RASSF5: variants seen among roughly 807,000 people sequenced by gnomAD.
RASSF5 encodes ras association domain-containing protein 5.
A neutral mutation model predicts 40.5 loss-of-function variants in RASSF5; 25 were observed. The ratio of observed to expected loss-of-function variants is 0.62; its 90% CI spans 0.45 to 0.86. RASSF5 has a LOEUF of 0.86. RASSF5 is among the 40% of genes least tolerant of loss of function. The pLI is 0.00. For synonymous variants in RASSF5, 246 were observed against 252.4 expected (o/e 0.97, Z 0.24); for missense variants, 521 against 572.8 (o/e 0.91, Z 0.92).
At position 206,538,109 on chromosome 1, in the gene RASSF5, C is replaced by G. The variant is rs1667463744; in HGVS notation, c.458-63C>G. ...TAATGCAATCTCCAAGGTTATTTCT[C>G]TGGGTGAAAGTGGGGAGGAATCCTG... On this transcript the variant is annotated intron_variant, in intron 1 of 5. Transcript: ENST00000579436. 6 of 1,607,606 alleles carry G rather than the reference C, an allele frequency of 3.7e-6. No individual in the cohort carries two copies. The African/African-American group carries it at 8.0e-5, about 21-fold the overall frequency.
At chr1:206,546,578 A>G (rs964254428) in intron 2 of RASSF5, among the ~76,000 whole-genome samples, 1 of 152,128 alleles carries the variant, frequency 6.6e-6, no homozygotes, top group Non-Finnish European at 1.5e-5. Context: ...TTGTCTTAGC[A>G]TTTACAGTAT....
Position 206,585,267 on chromosome 1 carries a change from T to C in RASSF5, c.1076T>C (p.Leu359Pro). Reference protein sequence around the residue: ...GPDTEVLSFVLKENETGEVEW... With the variant: ...GPDTEVLSFVPKENETGEVEW... ...GACACGGAGGTCCTCAGCTTTGTGC[T>C]AAAGGAGAATGAAACTGGAGAGGTA... Residue 359 changes from leucine (L) to proline (P), a missense_variant, in exon 5 of 6, where the codon CTA becomes CCA. By Grantham distance (98) the Leu-to-Pro change is moderately conservative (BLOSUM62 -3). Transcript: ENST00000579436. The C allele has an allele frequency of 1.2e-6, 2 of 1,614,098 alleles. No individual in the cohort carries two copies. Among genetic ancestry groups the C allele is most frequent in the Non-Finnish European group, 8.5e-7 (1 of 1,179,974 alleles).
chr1:206,527,329 A>G (rs1667121422), intron 1 of RASSF5, among the ~76,000 whole-genome samples: 1 of 152,072 alleles, frequency 6.6e-6, no homozygotes, highest in Admixed American at 6.6e-5. Flanking sequence ...TTGGTGTCAT[A>G]GGGAGGGGGT....
In RASSF5 at chr1:206,561,917, C is replaced by G. The variant is rs372734079; in HGVS notation, c.580-21352C>G. On this transcript the variant is annotated intron_variant, in intron 2 of 5. Transcript: ENST00000579436. ...CTCCTGACCTCAGGTGAACCCCTAC[C>G]TCGGCCTCCCAAGGTGCTGGGATTA... Among the ~76,000 whole-genome samples the G allele has an allele frequency of 3.9e-5, 6 of 151,966 alleles. 1 individual carries two copies. The highest frequency in any genetic ancestry group is 1.4e-4 in the African/African-American group (6 of 41,458).
intron 2 of RASSF5, among the ~76,000 whole-genome samples, chr1:206,563,886 T>C (rs1256229786): frequency 1.3e-5 from 2 of 152,208 alleles, no homozygotes; most frequent in Admixed American, 1.3e-4. Flanking sequence ...TGGGTCCTGC[T>C]CAGAGCTTTC....
Position 206,507,918 on chromosome 1 carries a change from A to G in RASSF5, c.316A>G (p.Ile106Val), listed in dbSNP as rs1553394074. The G allele has an allele frequency of 1.3e-6, 2 of 1,516,210 alleles. No homozygotes were observed. Among genetic ancestry groups the G allele is most frequent in the South Asian group, 1.2e-5 (1 of 81,268 alleles). 93.9% of individuals were successfully genotyped at this position (1,516,210 alleles called of 1,614,324 possible). The change falls in exon 1 of 6, where the codon ATC (isoleucine) becomes GTC (valine). Residue 106 changes from isoleucine (I) to valine (V), a missense_variant. Around this residue, in one of 2 missense-constraint regions of RASSF5, gnomAD observed 237 missense variants for 212.0 expected, o/e 1.12. Coordinates refer to ENST00000579436, the MANE Select transcript of RASSF5 (RefSeq NM_182663.4). ...GCCCCGACCCCGCGACGTGCGGAGC[A>G]TCTTCGAGCAGCCGCAGGATCCCAG... is the stretch of plus-strand genomic sequence containing the variant. Reference protein sequence around the residue: ...GAPRPRDVRSIFEQPQDPRVP... With the variant: ...GAPRPRDVRSVFEQPQDPRVP...
intron 1 of RASSF5, among the ~76,000 whole-genome samples, chr1:206,508,753 C>T (rs1423245251): frequency 6.6e-6 from 1 of 152,026 alleles, no homozygotes; most frequent in African/African-American, 2.4e-5. Flanking sequence ...TGGGTTCCTG[C>T]CCTAGTCGTC....
intron 1 of RASSF5, chr1:206,529,654 T>A: frequency 1.3e-6 from 1 of 760,594 alleles, no homozygotes; most frequent in South Asian, 1.4e-5. Context: ...GTGGCTCACA[T>A]CGCCAAATTC....
intron 3 of RASSF5, chr1:206,583,627 T>C (rs2103570224): frequency 2.1e-6 from 1 of 476,956 alleles, no homozygotes. Flanking sequence ...TAACTCCTCC[T>C]CTGAGCTTCA....
At chr1:206,517,633 T>C (rs1666785018) in intron 1 of RASSF5, among the ~76,000 whole-genome samples, 1 of 152,154 alleles carries the variant, frequency 6.6e-6, no homozygotes, top group South Asian at 2.1e-4. Flanking sequence ...CAGTCTTCTG[T>C]CTTGGACTGG....
rs975611805 is a variant in RASSF5, at chr1:206,560,510, C to G, written c.579+22217C>G. Among the ~76,000 whole-genome samples the G allele has an allele frequency of 6.6e-6, 1 of 152,226 alleles. No homozygotes were observed. The highest frequency in any genetic ancestry group is 1.5e-5 in the Non-Finnish European group (1 of 68,040). On this transcript the variant is annotated intron_variant, in intron 2 of 5. Transcript: ENST00000579436. This position sits in a 1 kb window ranked among gnomAD's most constrained non-coding sequence, Gnocchi z 5.1. Reference sequence around the variant, plus strand: ...ATGGCAGTTTCCTGGGGCCACGTGCCTCCTTTGAGAGGGGCCGGGGACTTG... The same window carrying G: ...ATGGCAGTTTCCTGGGGCCACGTGCGTCCTTTGAGAGGGGCCGGGGACTTG...
At chr1:206,564,332 C>A (rs1191870352) in intron 2 of RASSF5, among the ~76,000 whole-genome samples, 4 of 152,016 alleles carry the variant, frequency 2.6e-5, no homozygotes, top group African/African-American at 9.7e-5. Context: ...TAGTCCAGGC[C>A]ATCCCTCACT....
rs1358207781 is a variant in RASSF5, at chr1:206,587,767, T to A, written c.*789T>A. On this transcript the variant is annotated 3_prime_UTR_variant, in exon 6 of 6. Transcript: ENST00000579436. ...TTAATGTTGTCATCATCGTCATGTG[T>A]TTCCCCAAAGGGAAGCCAGTCATTG... is the stretch of plus-strand genomic sequence containing the variant. The A allele has an allele frequency of 6.6e-6, 1 of 152,440 alleles. No individual in the cohort carries two copies. Among genetic ancestry groups the A allele is most frequent in the Non-Finnish European group, 1.5e-5 (1 of 68,072 alleles). 9.4% of individuals were successfully genotyped at this position (152,440 alleles called of 1,614,324 possible).
rs571759703 is a variant in RASSF5, at chr1:206,562,516, C to T, written c.580-20753C>T. The stretch of plus-strand genomic sequence containing the variant: ...GATAGCCTCATTTAGAGATGCCGTC[C>T]GAACTCCACACTCGTGGGATTCACT... On this transcript the variant is annotated intron_variant, in intron 2 of 5. Transcript: ENST00000579436. Among the ~76,000 whole-genome samples the T allele has an allele frequency of 3.3e-5, 5 of 152,288 alleles. No homozygotes were observed. In the South Asian group the frequency reaches 6.2e-4, roughly 19 times the overall value.
intron 2 of RASSF5, among the ~76,000 whole-genome samples, chr1:206,553,245 G>A (rs376490255): frequency 5.2e-4 from 79 of 152,214 alleles, no homozygotes; most frequent in African/African-American, 1.9e-3. Context: ...TATTTGCTAA[G>A]TGAAAGAAAG....
rs782644849 is a variant in RASSF5 at position 206,507,608 on chromosome 1, C to A, written c.6C>A (p.Ala2=). 3.4e-5 allele frequency: 52 copies of A among 1,514,054 alleles called. No homozygotes were observed. The highest frequency in any genetic ancestry group is 4.5e-5 in the Non-Finnish European group (51 of 1,137,542). The allele number at this position is 1,514,054 out of a possible 1,614,324, so 93.8% of individuals were successfully genotyped here. A position where few individuals can be genotyped will look rare whatever the true frequency, so the allele number is the denominator to read the frequency against. ...GCTGCCGCCACTAGCCGGGCATGGC[C>A]ATGGCGTCCCCGGCCATCGGGCAGC... is the stretch of plus-strand genomic sequence containing the variant. M[A]MASPAIGQRP... The change falls in exon 1 of 6, where the codon GCC becomes GCA. Residue 2 remains alanine (A), a synonymous_variant. Transcript: ENST00000579436.
intron 2 of RASSF5, 140 bp downstream of exon 2, chr1:206,538,433 C>A: frequency 8.6e-7 from 1 of 1,158,714 alleles, no homozygotes; most frequent in Non-Finnish European, 1.2e-6. Flanking sequence ...AGTTCACAGA[C>A]ACCCTGTTCC....
chr1:206,566,088 T>C (rs1668282386), intron 2 of RASSF5, among the ~76,000 whole-genome samples: 1 of 152,162 alleles, frequency 6.6e-6, no homozygotes, highest in Admixed American at 6.5e-5. Flanking sequence ...GCCTGACAGA[T>C]GTCGCTGGCG....
intron 1 of RASSF5, 115 bp downstream of exon 1, chr1:206,508,174 GCC>G: frequency 2.5e-6 from 2 of 804,890 alleles, no homozygotes; most frequent in Non-Finnish European, 3.5e-6. Flanking sequence ...CTCCAGGGGA[GCC>G]CCGAACATAA....
Sources: gnomAD v4.1 joint callset for allele counts (sites outside exome capture counted in the v4.1 genomes callset) on GRCh38, gnomAD v4.1.1 for gene constraint, gnomAD v4.1.1 regional missense constraint, Gnocchi (gnomAD v3.1) non-coding constraint, MANE v1.5 for transcripts, NCBI Gene and HGNC (gene_info 2026-07-23, HGNC 2026-07-21) for gene names.